Variants in INPP4B observed in about 807,000 individuals in gnomAD.
INPP4B encodes inositol polyphosphate 4-phosphatase type II.
INPP4B carries 55 observed loss-of-function variants against 122.5 expected under a neutral mutation model. The ratio of observed to expected loss-of-function variants is 0.45; its 90% CI spans 0.36 to 0.56. INPP4B has a LOEUF of 0.56. INPP4B is among the 20% of genes least tolerant of loss of function. INPP4B has a pLI of 0.00. For missense variants in INPP4B, 1,000 were observed against 1,097.7 expected, an observed-to-expected ratio of 0.91 and a Z score of 1.26; for synonymous variants, 403 against 388.7, an observed-to-expected ratio of 1.04 and a Z score of -0.43.
At chr4:142,695,400 AT>A (rs1348509711) in intron 2 of INPP4B, among the ~76,000 whole-genome samples, 1 of 152,186 alleles carries the variant, frequency 6.6e-6, no homozygotes, top group African/African-American at 2.4e-5. Context: ...AAAAATAAAA[AT>A]TTTTAAATTA....
intron 2 of INPP4B, among the ~76,000 whole-genome samples, chr4:142,610,638 G>A (rs1742281362): frequency 6.6e-6 from 1 of 152,028 alleles, no homozygotes; most frequent in African/African-American, 2.4e-5. Context: ...TTAGTTGTGT[G>A]GTATTAGAAA....
chr4:142,097,379 T>G (rs894707288), intron 23 of INPP4B, among the ~76,000 whole-genome samples: 6 of 151,870 alleles, frequency 4.0e-5, no homozygotes, highest in African/African-American at 1.5e-4. Context: ...CTCAGTCTCC[T>G]TAGTAGCTGG....
At chr4:142,294,891 T>C (rs1401795806) in intron 9 of INPP4B, among the ~76,000 whole-genome samples, 3 of 146,454 alleles carry the variant, frequency 2.0e-5, no homozygotes, top group Non-Finnish European at 4.5e-5. Context: ...TGAAGCACCT[T>C]GTATACCTGG....
intron 25 of INPP4B, among the ~76,000 whole-genome samples, chr4:142,039,750 T>C (rs1191853511): frequency 6.6e-6 from 1 of 152,146 alleles, no homozygotes; most frequent in African/African-American, 2.4e-5. Flanking sequence ...TCACAAATGA[T>C]TAAAGGACCA....
At chr4:142,217,921 C>A (rs1454953936) in intron 12 of INPP4B, among the ~76,000 whole-genome samples, 1 of 152,320 alleles carries the variant, frequency 6.6e-6, no homozygotes, top group East Asian at 1.9e-4. Context: ...CAGACTGACA[C>A]ACTCGACTGG....
At chr4:142,078,184 G>A (rs950699990) in intron 25 of INPP4B, among the ~76,000 whole-genome samples, 28 of 151,690 alleles carry the variant, frequency 1.8e-4, no homozygotes, top group African/African-American at 6.8e-4. Flanking sequence ...TGGATAAGTA[G>A]AAAAAAAGGA....
chr4:142,541,430 G>C (rs1476835537), intron 2 of INPP4B, among the ~76,000 whole-genome samples: 1 of 152,096 alleles, frequency 6.6e-6, no homozygotes, highest in Non-Finnish European at 1.5e-5. Flanking sequence ...TTGTACACTG[G>C]AGCCCAGAAA....
At chr4:142,630,503 C>T (rs1460520898) in intron 2 of INPP4B, among the ~76,000 whole-genome samples, 1 of 152,006 alleles carries the variant, frequency 6.6e-6, no homozygotes, top group Non-Finnish European at 1.5e-5. Context: ...TCTATTAAGG[C>T]TTCTACTTCT....
At chr4:142,804,473 T>G (rs79424470) in intron 1 of INPP4B, among the ~76,000 whole-genome samples, 6,057 of 152,262 alleles carry the variant, frequency 0.04, 154 homozygotes, top group African/African-American at 0.058. Context: ...CCTCCTTCAT[T>G]GTTTCACTTA....
At chr4:142,691,751 C>A (rs1760216762) in intron 2 of INPP4B, among the ~76,000 whole-genome samples, 1 of 152,130 alleles carries the variant, frequency 6.6e-6, no homozygotes, top group South Asian at 2.1e-4. Flanking sequence ...CCTTGGACTG[C>A]AGGGTCCCTT....
At chr4:142,256,345 A>G (rs1490387078) in intron 11 of INPP4B, among the ~76,000 whole-genome samples, 3 of 151,640 alleles carry the variant, frequency 2.0e-5, no homozygotes, top group Non-Finnish European at 3.0e-5. Context: ...GGCAAGAAAT[A>G]ACTAAAATCA....
At chr4:142,662,159 T>C (rs991774771) in intron 2 of INPP4B, among the ~76,000 whole-genome samples, 1 of 151,476 alleles carries the variant, frequency 6.6e-6, no homozygotes, top group Non-Finnish European at 1.5e-5. Flanking sequence ...GGCGTGAACC[T>C]GGCAGGCGGA....
chr4:142,335,443 C>A (rs1046898389), intron 7 of INPP4B, among the ~76,000 whole-genome samples: 2 of 152,034 alleles, frequency 1.3e-5, no homozygotes, highest in African/African-American at 2.4e-5. Flanking sequence ...CCATTAATAC[C>A]AGCATTTATT....
intron 7 of INPP4B, among the ~76,000 whole-genome samples, chr4:142,316,121 C>T (rs945454655): frequency 6.6e-6 from 1 of 152,044 alleles, no homozygotes; most frequent in Admixed American, 6.6e-5. Context: ...ATGACAGATC[C>T]AGCACTATCG....
At chr4:142,149,679 G>C (rs764624294) in intron 17 of INPP4B, among the ~76,000 whole-genome samples, 2 of 152,208 alleles carry the variant, frequency 1.3e-5, no homozygotes, top group Non-Finnish European at 2.9e-5. Flanking sequence ...TGGATCCTAG[G>C]ATAAGAGATA....
intron 1 of INPP4B, among the ~76,000 whole-genome samples, chr4:142,787,848 T>C (rs952458642): frequency 1.3e-5 from 2 of 151,980 alleles, no homozygotes; most frequent in Admixed American, 6.6e-5. Context: ...ATAACTGTTA[T>C]AAACATTCTG....
chr4:142,482,261 T>G (rs1274400854), intron 2 of INPP4B, among the ~76,000 whole-genome samples: 2 of 152,206 alleles, frequency 1.3e-5, no homozygotes, highest in African/African-American at 4.8e-5. Flanking sequence ...CTCAAGAAAC[T>G]ACCTTCCTTT....
chr4:142,211,027 T>C (rs1844648068), intron 12 of INPP4B, among the ~76,000 whole-genome samples: 1 of 152,214 alleles, frequency 6.6e-6, no homozygotes, highest in South Asian at 2.1e-4. Flanking sequence ...CCACAATTTA[T>C]ACAGAGAAGT....
intron 14 of INPP4B, among the ~76,000 whole-genome samples, chr4:142,203,333 T>C (rs1300854383): frequency 1.3e-5 from 2 of 152,118 alleles, no homozygotes; most frequent in Admixed American, 6.6e-5. Context: ...AACAAAATAG[T>C]TGCTTTAGTT....
Sources: allele counts gnomAD v4.1 joint callset (sites outside exome capture counted in the v4.1 genomes callset), GRCh38; gene constraint gnomAD v4.1.1; transcripts MANE v1.5; gene names NCBI Gene and HGNC (gene_info 2026-07-23, HGNC 2026-07-21).